Variants in COL19A1 observed in about 807,000 individuals in gnomAD.
COL19A1 encodes collagen alpha-1(XIX) chain.
Under a neutral mutation model 190.2 loss-of-function variants are expected in COL19A1, and 159 were observed. The ratio of observed to expected loss-of-function variants is 0.84; its 90% confidence interval spans 0.73 to 0.95. The LOEUF is 0.95. Ranked by LOEUF, COL19A1 falls within the 40% of genes least tolerant of loss-of-function variation. The pLI is 0.00. For missense variants in COL19A1, 1,418 were observed against 1,431.9 expected (o/e 0.99, Z 0.16); for synonymous variants, 509 against 458.9 (o/e 1.11, Z -1.39).
intron 11 of COL19A1, among the ~76,000 whole-genome samples, chr6:70,019,005 A>T (rs1207894738): frequency 6.6e-6 from 1 of 152,114 alleles, no homozygotes; most frequent in African/African-American, 2.4e-5. Flanking sequence ...ATTGGGCTTG[A>T]GGTGAAATAT....
chr6:70,176,459 A>AT, intron 41 of COL19A1, 61 bp from the exon 42 acceptor site: 1 of 1,538,790 alleles, frequency 6.5e-7, no homozygotes, highest in Non-Finnish European at 8.9e-7. Flanking sequence ...TTGAGAATTA[A>AT]TTTCATAACT....
At chr6:69,879,910 C>T (rs922707778) in intron 2 of COL19A1, 51 of 500,890 alleles carry the variant, frequency 1.0e-4, no homozygotes, top group Non-Finnish European at 1.7e-4. Flanking sequence ...AGTATACATA[C>T]ATGCATGTGT....
chr6:70,101,465 A>T (rs1021322366), intron 15 of COL19A1, among the ~76,000 whole-genome samples: 2 of 152,154 alleles, frequency 1.3e-5, no homozygotes, highest in African/African-American at 2.4e-5. Flanking sequence ...TGAACTTGGG[A>T]GAGTTAATAT....
At chr6:70,109,541 AGTGTGTGTGTGTGTGTGT>A (rs60219800) in intron 16 of COL19A1, among the ~76,000 whole-genome samples, 17 of 143,888 alleles carry the variant, frequency 1.2e-4, no homozygotes, top group South Asian at 6.9e-4. Flanking sequence ...CCGTTTTGTA[AGTGTGTGTGTGTGTGTGT>A]GTGTGTGTGT....
At chr6:70,198,012 A>G (rs1767317351) in intron 48 of COL19A1, among the ~76,000 whole-genome samples, 1 of 152,230 alleles carries the variant, frequency 6.6e-6, no homozygotes, top group Non-Finnish European at 1.5e-5. Flanking sequence ...AACTCATGGG[A>G]AAACAGATTT....
intron 42 of COL19A1, among the ~76,000 whole-genome samples, chr6:70,177,112 G>T (rs1306602488): frequency 3.3e-5 from 5 of 152,096 alleles, no homozygotes; most frequent in African/African-American, 4.8e-5. Flanking sequence ...CTTTTCAAAT[G>T]AATAGGAAGT....
intron 14 of COL19A1, among the ~76,000 whole-genome samples, 178 bp from the exon 15 acceptor site, chr6:70,068,245 C>G (rs1269846641): frequency 6.6e-6 from 1 of 151,820 alleles, no homozygotes; most frequent in Admixed American, 6.6e-5. Flanking sequence ...ACAAAGAAGC[C>G]AGTCAAAGAA....
chr6:70,088,494 T>C (rs556587550), intron 15 of COL19A1, among the ~76,000 whole-genome samples: 1 of 152,234 alleles, frequency 6.6e-6, no homozygotes, highest in South Asian at 2.1e-4. Flanking sequence ...TATACACCCT[T>C]CTAAAATATA....
At chr6:70,068,178 G>A (rs1243203144) in intron 14 of COL19A1, among the ~76,000 whole-genome samples, 3 of 151,888 alleles carry the variant, frequency 2.0e-5, no homozygotes, top group African/African-American at 7.2e-5. Flanking sequence ...CACTGGCGGT[G>A]AACATTTGGT....
At chr6:70,019,465 T>C in intron 11 of COL19A1, among the ~76,000 whole-genome samples, 1 of 152,302 alleles carries the variant, frequency 6.6e-6, no homozygotes, top group East Asian at 1.9e-4. Context: ...TCAAGTTCAC[T>C]ACTTAACTTG....
At chr6:70,184,599 C>T in intron 44 of COL19A1, 104 bp from the exon 45 acceptor site, 5 of 876,354 alleles carry the variant, frequency 5.7e-6, no homozygotes, top group Non-Finnish European at 8.9e-6. Flanking sequence ...ACCAAGCTCT[C>T]AGTAGAAATA....
At chr6:70,199,536 A>C in intron 48 of COL19A1, 72 bp from the exon 49 acceptor site, 2 of 1,124,642 alleles carry the variant, frequency 1.8e-6, no homozygotes, top group Admixed American at 3.4e-5. Context: ...GTTTGATTTC[A>C]TGTATTTTGA....
intron 16 of COL19A1, among the ~76,000 whole-genome samples, chr6:70,120,676 T>G (rs934886511): frequency 1.3e-5 from 2 of 152,174 alleles, no homozygotes; most frequent in African/African-American, 4.8e-5. Context: ...GGCAACACCA[T>G]TACTTGTGAG....
intron 4 of COL19A1, among the ~76,000 whole-genome samples, chr6:69,923,845 C>G (rs1314866579): frequency 6.6e-6 from 1 of 152,170 alleles, no homozygotes; most frequent in Non-Finnish European, 1.5e-5. Context: ...TATTTTCTGT[C>G]ACACACATAG....
chr6:70,072,426 A>T (rs1166001908), intron 15 of COL19A1, among the ~76,000 whole-genome samples: 1 of 152,166 alleles, frequency 6.6e-6, no homozygotes, highest in Non-Finnish European at 1.5e-5. Flanking sequence ...TGCCGCAAAC[A>T]GAAGTTTGTG....
At chr6:70,145,166 C>T (rs1438181119) in intron 25 of COL19A1, among the ~76,000 whole-genome samples, 159 bp downstream of exon 25, 1 of 152,190 alleles carries the variant, frequency 6.6e-6, no homozygotes, top group African/African-American at 2.4e-5. Context: ...AGCAATCCCA[C>T]TACTGGGTTT....
At chr6:70,119,145 G>A (rs1398553832) in intron 16 of COL19A1, among the ~76,000 whole-genome samples, 1 of 152,064 alleles carries the variant, frequency 6.6e-6, no homozygotes, top group East Asian at 1.9e-4. Context: ...AACCCTTTGG[G>A]AGGCTTCACA....
chr6:70,100,681 A>G (rs1204902662), intron 15 of COL19A1, among the ~76,000 whole-genome samples: 1 of 151,836 alleles, frequency 6.6e-6, no homozygotes, highest in Non-Finnish European at 1.5e-5. Flanking sequence ...TTTTTAGTAG[A>G]AATGAGGTTT....
chr6:69,924,947 G>T (rs981908815), intron 4 of COL19A1, among the ~76,000 whole-genome samples: 1 of 152,098 alleles, frequency 6.6e-6, no homozygotes, highest in East Asian at 1.9e-4. Flanking sequence ...GCTTTTTCTT[G>T]TAAATTTGTT....
Sources: allele counts gnomAD v4.1 joint callset (sites outside exome capture counted in the v4.1 genomes callset), GRCh38; gene constraint gnomAD v4.1.1; transcripts MANE v1.5; gene names NCBI Gene and HGNC (gene_info 2026-07-23, HGNC 2026-07-21).